The following WDR76 variants were observed in gnomAD, a reference collection of about 807,000 sequenced individuals.
WDR76 encodes the protein WD repeat domain 76.
Under a neutral mutation model 70.2 loss-of-function variants are expected in WDR76, and 52 were observed. The observed-to-expected ratio is 0.74, with a 90% CI of 0.59 to 0.93. The LOEUF (loss-of-function observed/expected upper bound fraction) is 0.93. Ranked by LOEUF, WDR76 falls within the 40% of genes least tolerant of loss-of-function variation. The pLI is 0.00. For missense variants in WDR76, 756 were observed against 760.2 expected (o/e 0.99, Z 0.07); for synonymous variants, 292 against 271.1 (o/e 1.08, Z -0.76).
At chr15:43,843,647 T>TA (rs1216076203) in intron 7 of WDR76, among the ~76,000 whole-genome samples, 1 of 152,188 alleles carries the variant, frequency 6.6e-6, no homozygotes, top group Non-Finnish European at 1.5e-5. Context: ...TATATGAACT[T>TA]ACTCTTCCAC....
At chr15:43,849,552 T>G (rs899713090) in intron 8 of WDR76, among the ~76,000 whole-genome samples, 1 of 152,224 alleles carries the variant, frequency 6.6e-6, no homozygotes, top group African/African-American at 2.4e-5. Flanking sequence ...ATGATTTTTT[T>G]TTTTGAGACG....
intron 8 of WDR76, among the ~76,000 whole-genome samples, chr15:43,847,842 C>T (rs2087808182): frequency 6.6e-6 from 1 of 152,136 alleles, no homozygotes; most frequent in South Asian, 2.1e-4. Flanking sequence ...CAGGCGTGAG[C>T]CACTGCACCT....
chr15:43,842,561 G>A (rs1367248381), intron 6 of WDR76, 45 bp downstream of exon 6: 1 of 1,592,474 alleles, frequency 6.3e-7, no homozygotes, highest in Non-Finnish European at 8.6e-7. Context: ...ATCTGTTAAG[G>A]AAATATATAT....
intron 8 of WDR76, among the ~76,000 whole-genome samples, chr15:43,848,051 A>G (rs2087810057): frequency 6.6e-6 from 1 of 151,346 alleles, no homozygotes; most frequent in African/African-American, 2.4e-5. Context: ...TGACATAGTG[A>G]GATGCCTGTC....
intron 8 of WDR76, among the ~76,000 whole-genome samples, chr15:43,850,174 C>T (rs1177801297): frequency 6.6e-6 from 1 of 152,124 alleles, no homozygotes; most frequent in Non-Finnish European, 1.5e-5. Flanking sequence ...AGCGACTTCT[C>T]AGGAGCTGGC....
chr15:43,844,551 C>T (rs1406297373), intron 8 of WDR76, among the ~76,000 whole-genome samples: 5 of 141,890 alleles, frequency 3.5e-5, no homozygotes, highest in African/African-American at 5.3e-5. Flanking sequence ...ACCCAGGAGA[C>T]GGAGGTTGGA....
At chr15:43,849,684 T>C (rs1466287642) in intron 8 of WDR76, among the ~76,000 whole-genome samples, 3 of 152,206 alleles carry the variant, frequency 2.0e-5, no homozygotes, top group Admixed American at 2.0e-4. Flanking sequence ...ATTACAGGTG[T>C]CTGCCACCAC....
In WDR76 at chr15:43,828,148, A is replaced by G. The variant is rs760729613; in HGVS notation, c.244A>G (p.Lys82Glu). The G allele has an allele frequency of 4.3e-6, 7 of 1,614,202 alleles. No individual in the cohort carries two copies. Among genetic ancestry groups the G allele is most frequent in the South Asian group, 1.1e-5 (1 of 91,078 alleles). ...GAATTCTAACAATGAAGTGGCGTGT[A>G]AGAAGACTAAAATAAAGAAAACTTG... ...EKNSNNEVACKKTKIKKTCRR... is the reference protein window; with the variant it reads ...EKNSNNEVACEKTKIKKTCRR... The change falls in exon 2 of 13, where the codon AAG becomes GAG. Residue 82 changes from lysine (K) to glutamate (E), a missense_variant. By Grantham distance (56) the Lys-to-Glu change is moderately conservative (BLOSUM62 1). Coordinates refer to ENST00000263795, the MANE Select transcript of WDR76 (RefSeq NM_024908.4).
intron 12 of WDR76, among the ~76,000 whole-genome samples, chr15:43,862,050 C>G (rs915906828): frequency 1.3e-5 from 2 of 151,614 alleles, no homozygotes; most frequent in Non-Finnish European, 2.9e-5. Flanking sequence ...GTTGGTCAGG[C>G]TGGTCTCGAA....
intron 2 of WDR76, among the ~76,000 whole-genome samples, chr15:43,831,627 A>G (rs538824462): frequency 2.0e-5 from 3 of 151,630 alleles, no homozygotes; most frequent in Middle Eastern, 6.8e-3. Context: ...TTTAGTGGAG[A>G]AGGGGTTTCT....
At chr15:43,864,957 C>T (rs1447635318) in intron 12 of WDR76, among the ~76,000 whole-genome samples, 1 of 151,670 alleles carries the variant, frequency 6.6e-6, no homozygotes, top group Non-Finnish European at 1.5e-5. Context: ...TGGAGTCTCC[C>T]TCTGACACGG....
In WDR76 at chr15:43,828,130, A is replaced by G; in HGVS notation, c.226A>G (p.Asn76Asp). ...CAAATCCCTATCAGAAAAGAATTCT[A>G]ACAATGAAGTGGCGTGTAAGAAGAC... ...CPKSLSEKNS[N>D]NEVACKKTKI... Residue 76 changes from asparagine (N) to aspartate (D), a missense_variant, in exon 2 of 13, where the codon AAC becomes GAC. Transcript: ENST00000263795. 6.2e-7 allele frequency: 1 copy of G among 1,614,234 alleles called. No homozygotes were observed. The highest frequency in any genetic ancestry group is 8.5e-7 in the Non-Finnish European group (1 of 1,180,034).
chr15:43,853,798 G>A (rs567344263), intron 9 of WDR76, among the ~76,000 whole-genome samples: 1 of 151,690 alleles, frequency 6.6e-6, no homozygotes, highest in Non-Finnish European at 1.5e-5. Flanking sequence ...CCCAGCTACT[G>A]GGGACGCTGA....
At chr15:43,842,252 C>T (rs575682945) in intron 5 of WDR76, among the ~76,000 whole-genome samples, 163 bp from the exon 6 acceptor site, 1 of 152,278 alleles carries the variant, frequency 6.6e-6, no homozygotes, top group Admixed American at 6.5e-5. Flanking sequence ...GGGTACCTGG[C>T]ATTCATTTAT....
intron 8 of WDR76, among the ~76,000 whole-genome samples, chr15:43,850,851 A>C (rs1386499985): frequency 6.6e-6 from 1 of 152,212 alleles, no homozygotes; most frequent in African/African-American, 2.4e-5. Context: ...TTAGTTACAG[A>C]AAGCTGGTCA....
chr15:43,830,517 G>C (rs886457124), intron 2 of WDR76, among the ~76,000 whole-genome samples: 1 of 147,738 alleles, frequency 6.8e-6, no homozygotes, highest in Admixed American at 6.8e-5. Flanking sequence ...AGCCGAGATC[G>C]TGCTGTTGCA....
intron 12 of WDR76, among the ~76,000 whole-genome samples, chr15:43,863,490 T>C (rs1355658107): frequency 6.6e-6 from 1 of 151,728 alleles, no homozygotes; most frequent in Non-Finnish European, 1.5e-5. Flanking sequence ...TGAAATTTAA[T>C]AGTTTTTGAC....
intron 2 of WDR76, among the ~76,000 whole-genome samples, chr15:43,833,462 G>C (rs758561812): frequency 3.3e-5 from 5 of 151,600 alleles, no homozygotes; most frequent in Non-Finnish European, 7.4e-5. Context: ...GGGACTACAG[G>C]CGCCCACCAC....
chr15:43,842,107 C>G (rs960141972), intron 5 of WDR76, among the ~76,000 whole-genome samples: 5 of 152,124 alleles, frequency 3.3e-5, no homozygotes, highest in African/African-American at 1.2e-4. Context: ...ACCTTGTGAT[C>G]CGCCTGCCTC....
Sources: gnomAD v4.1 joint callset for allele counts (sites outside exome capture counted in the v4.1 genomes callset) on GRCh38, gnomAD v4.1.1 for gene constraint, MANE v1.5 for transcripts, NCBI Gene and HGNC (gene_info 2026-07-23, HGNC 2026-07-21) for gene names.